The following DSCAM variants were observed in gnomAD, a reference collection of about 807,000 sequenced individuals.
DSCAM encodes the protein DS cell adhesion molecule, also known as cell adhesion molecule DSCAM.
A neutral mutation model predicts 217.7 loss-of-function variants in DSCAM; 47 were observed. That is an observed-to-expected ratio of 0.22 (90% CI 0.17 to 0.28). The LOEUF (loss-of-function observed/expected upper bound fraction) is 0.28, where lower values mean the gene tolerates loss of function less well. DSCAM is among the 10% of genes least tolerant of loss of function. The pLI, the probability that DSCAM is intolerant of heterozygous loss-of-function variation, is 1.00. For missense variants in DSCAM, 2,080 were observed against 2,618.3 expected (o/e 0.79, Z 4.49); for synonymous variants, 1,056 against 1,015.3 (o/e 1.04, Z -0.76).
chr21:40,835,431 T>C (rs145840013), intron 1 of DSCAM, among the ~76,000 whole-genome samples: 1 of 152,270 alleles, frequency 6.6e-6, no homozygotes, highest in East Asian at 1.9e-4. Context: ...CACCCCCTTT[T>C]AAAGGAACAT....
chr21:40,023,127 G>T (rs1288695387), intron 32 of DSCAM, among the ~76,000 whole-genome samples: 1 of 150,250 alleles, frequency 6.7e-6, no homozygotes, highest in Non-Finnish European at 1.5e-5. Flanking sequence ...GTGGTGTTTG[G>T]TTTTTTGTTC....
chr21:40,399,824 A>T (rs894261909), intron 3 of DSCAM, among the ~76,000 whole-genome samples: 1 of 152,240 alleles, frequency 6.6e-6, no homozygotes, highest in East Asian at 1.9e-4. Flanking sequence ...ACTGCCCTTA[A>T]GAGGTACGTA....
At chr21:40,588,612 G>C (rs1430419024) in intron 3 of DSCAM, among the ~76,000 whole-genome samples, 1 of 152,082 alleles carries the variant, frequency 6.6e-6, no homozygotes, top group African/African-American at 2.4e-5. Context: ...GGATAAAAAT[G>C]GTTGTTTAGC....
intron 1 of DSCAM, among the ~76,000 whole-genome samples, chr21:40,776,392 G>C (rs1242775132): frequency 1.3e-5 from 2 of 152,134 alleles, no homozygotes; most frequent in Non-Finnish European, 2.9e-5. Flanking sequence ...ATTTGCGGAT[G>C]AGACAGATTT....
At chr21:40,348,290 G>T (rs56965392) in intron 5 of DSCAM, among the ~76,000 whole-genome samples, 8 of 119,370 alleles carry the variant, frequency 6.7e-5, no homozygotes, top group South Asian at 2.9e-4. Context: ...TCATACCCCA[G>T]AGAGTTCCTA....
chr21:40,751,807 G>A (rs2091232111), intron 1 of DSCAM, among the ~76,000 whole-genome samples: 1 of 152,096 alleles, frequency 6.6e-6, no homozygotes, highest in Non-Finnish European at 1.5e-5. Context: ...AAAAAATTAA[G>A]TTACATTTTT....
At chr21:40,694,462 G>A (rs569790727) in intron 2 of DSCAM, among the ~76,000 whole-genome samples, 6 of 152,308 alleles carry the variant, frequency 3.9e-5, no homozygotes, top group South Asian at 2.1e-4. Context: ...GAAGAGGACT[G>A]TTAAGGTCGG....
chr21:40,770,257 T>C (rs1156970298), intron 1 of DSCAM, among the ~76,000 whole-genome samples: 1 of 152,218 alleles, frequency 6.6e-6, no homozygotes, highest in Non-Finnish European at 1.5e-5. Flanking sequence ...ATTCTTTTAG[T>C]TTCTCTTCAT....
intron 6 of DSCAM, among the ~76,000 whole-genome samples, chr21:40,341,320 C>T (rs77727527): frequency 0.013 from 1,954 of 152,276 alleles, 42 homozygotes; most frequent in African/African-American, 0.045. Flanking sequence ...AGTTATTTCA[C>T]GTGTCCTTTA....
At chr21:40,042,900 C>G (rs1488448126) in intron 31 of DSCAM, among the ~76,000 whole-genome samples, 1 of 152,188 alleles carries the variant, frequency 6.6e-6, no homozygotes, top group Non-Finnish European at 1.5e-5. Flanking sequence ...TTGCTGTAGT[C>G]AGATGTCCCA....
rs1474691893 is a variant in DSCAM, at chr21:40,078,737, G to T, written c.4661C>A (p.Ala1554Glu). 2 of 1,614,088 alleles carry T rather than the reference G, an allele frequency of 1.2e-6. No homozygotes were observed. Among genetic ancestry groups the T allele is most frequent in the Non-Finnish European group, 8.5e-7 (1 of 1,180,050 alleles). ...GTTGGCCTGCTTCTCCGCGCAGCCCGCACTGTTGCACACCCGCATCTGCAG... is the reference window on the plus strand; with the variant it reads ...GTTGGCCTGCTTCTCCGCGCAGCCCTCACTGTTGCACACCCGCATCTGCAG... ...YELQMRVCNSAGCAEKQANFA... is the reference protein window; with the variant it reads ...YELQMRVCNSEGCAEKQANFA... The change falls in exon 26 of 33, where the codon GCG becomes GAG. Residue 1554 changes from alanine (A) to glutamate (E), a missense_variant. Ala to Glu is a moderately radical substitution (Grantham distance 107). Around this residue, in one of 5 missense-constraint regions of DSCAM, gnomAD observed 1,144 missense variants for 1,421.1 expected, o/e 0.81. Coordinates refer to ENST00000400454, the MANE Select transcript of DSCAM (RefSeq NM_001389.5).
chr21:40,652,885 T>C (rs1309648807), intron 3 of DSCAM, among the ~76,000 whole-genome samples: 2 of 152,132 alleles, frequency 1.3e-5, no homozygotes, highest in African/African-American at 4.8e-5. Context: ...GTTGAACCTC[T>C]GGAGGAGGGG....
At chr21:40,137,035 G>A (rs2090217803) in intron 18 of DSCAM, among the ~76,000 whole-genome samples, 3 of 151,846 alleles carry the variant, frequency 2.0e-5, no homozygotes, top group African/African-American at 2.4e-5. Context: ...TTAGCCTGGC[G>A]TGGTGGTGGG....
At chr21:40,321,917 A>T (rs186531587) in intron 8 of DSCAM, among the ~76,000 whole-genome samples, 1 of 152,116 alleles carries the variant, frequency 6.6e-6, no homozygotes, top group East Asian at 1.9e-4. Flanking sequence ...TAATGGCAAA[A>T]CTACACTCAA....
At chr21:40,050,470 T>G (rs951547986) in intron 30 of DSCAM, among the ~76,000 whole-genome samples, 1 of 149,210 alleles carries the variant, frequency 6.7e-6, no homozygotes, top group Non-Finnish European at 1.5e-5. Flanking sequence ...GCTGAAGAGA[T>G]GTCAAAGCCC....
rs778634998 is a variant in DSCAM, at chr21:40,338,349, T to G, written c.1535A>C (p.Asn512Thr). 1 of 1,613,806 alleles carries G rather than the reference T, an allele frequency of 6.2e-7. No individual in the cohort carries two copies. The highest frequency in any genetic ancestry group is 2.2e-5 in the East Asian group (1 of 44,870). ...GTCCCGTCCTGCTATTGCTGTGATG[T>G]TTTTCATTGGTCGAATGCTTGCAGG... is the stretch of plus-strand genomic sequence containing the variant. ...RGPASIRPMK[N>T]ITAIAGRDTY... The change falls in exon 8 of 33, where the codon AAC (asparagine) becomes ACC (threonine). Residue 512 changes from asparagine (N) to threonine (T), a missense_variant. By Grantham distance (65) the Asn-to-Thr change is moderately conservative. Coordinates refer to ENST00000400454, the MANE Select transcript of DSCAM (RefSeq NM_001389.5).
chr21:40,340,670 A>G (rs989792656), intron 6 of DSCAM, among the ~76,000 whole-genome samples: 9 of 152,238 alleles, frequency 5.9e-5, no homozygotes, highest in African/African-American at 2.2e-4. Context: ...TTGTCCCATA[A>G]TGAAAGATAA....
chr21:40,069,440 T>C (rs186174596), intron 27 of DSCAM, among the ~76,000 whole-genome samples: 4 of 152,126 alleles, frequency 2.6e-5, no homozygotes, highest in Admixed American at 1.3e-4. Flanking sequence ...CGTGGGAGAG[T>C]GCCCACCATG....
intron 3 of DSCAM, among the ~76,000 whole-genome samples, chr21:40,476,779 G>A (rs940795249): frequency 1.3e-5 from 2 of 152,080 alleles, no homozygotes; most frequent in Non-Finnish European, 2.9e-5. Flanking sequence ...GTTATACAGT[G>A]TTCCCTGCTA....
Sources: gnomAD v4.1 joint callset for allele counts (sites outside exome capture counted in the v4.1 genomes callset) on GRCh38, gnomAD v4.1.1 for gene constraint, gnomAD v4.1.1 regional missense constraint, MANE v1.5 for transcripts, NCBI Gene and HGNC (gene_info 2026-07-23, HGNC 2026-07-21) for gene names.